The following ZBTB20 variants were observed in gnomAD, a reference collection of about 807,000 sequenced individuals.
ZBTB20 encodes zinc finger and BTB domain-containing protein 20.
ZBTB20 carries 9 observed loss-of-function variants against 56.9 expected under a neutral mutation model. The observed-to-expected ratio is 0.16, with a 90% CI of 0.10 to 0.28. The LOEUF is 0.28. ZBTB20 is among the 10% of genes least tolerant of loss of function. The pLI, the probability that ZBTB20 is intolerant of heterozygous loss-of-function variation, is 1.00. For missense variants in ZBTB20, 655 were observed against 1,003.0 expected (o/e 0.65, Z 4.69); for synonymous variants, 417 against 420.7 (o/e 0.99, Z 0.11).
intron 2 of ZBTB20, among the ~76,000 whole-genome samples, chr3:115,013,442 T>C (rs1240828331): frequency 6.6e-6 from 1 of 151,534 alleles, no homozygotes; most frequent in Non-Finnish European, 1.5e-5. Flanking sequence ...AAGAAATGGA[T>C]AAATTGCTAG....
At chr3:114,748,886 T>G (rs1393485128) in intron 5 of ZBTB20, among the ~76,000 whole-genome samples, 3 of 152,306 alleles carry the variant, frequency 2.0e-5, no homozygotes, top group African/African-American at 7.2e-5. Context: ...GCATTTAAAA[T>G]GCTTTAATTG....
chr3:115,056,260 G>T (rs1314911419), intron 2 of ZBTB20, among the ~76,000 whole-genome samples: 1 of 151,976 alleles, frequency 6.6e-6, no homozygotes, highest in African/African-American at 2.4e-5. Context: ...AATACAAAAT[G>T]AAAAAGTCAT....
At chr3:114,679,558 GAAATGCAAATCA>G (rs1316403778) in intron 6 of ZBTB20, among the ~76,000 whole-genome samples, 4 of 152,190 alleles carry the variant, frequency 2.6e-5, no homozygotes, top group African/African-American at 4.8e-5. Context: ...GGTCAATAGA[GAAATGCAAATCA>G]AAATCACAAT....
intron 5 of ZBTB20, among the ~76,000 whole-genome samples, chr3:114,705,711 A>C (rs1001740302): frequency 9.2e-5 from 14 of 152,196 alleles, no homozygotes; most frequent in African/African-American, 2.7e-4. Flanking sequence ...AGTTTTATAC[A>C]AATCTCTTCA....
chr3:114,520,471 C>T (rs1006557429), intron 6 of ZBTB20, among the ~76,000 whole-genome samples: 2 of 152,062 alleles, frequency 1.3e-5, no homozygotes, highest in Admixed American at 1.3e-4. Flanking sequence ...AAGGGTAAAT[C>T]GTAGGCATTT....
intron 4 of ZBTB20, among the ~76,000 whole-genome samples, chr3:114,803,408 A>G (rs2071864912): frequency 6.6e-6 from 1 of 151,804 alleles, no homozygotes; most frequent in African/African-American, 2.4e-5. Context: ...TAGGACCACA[A>G]ATAAGACTAA....
chr3:114,492,285 T>C (rs564575304), intron 7 of ZBTB20, among the ~76,000 whole-genome samples: 1 of 152,340 alleles, frequency 6.6e-6, no homozygotes, highest in Admixed American at 6.5e-5. Context: ...ATTCCAGTTT[T>C]ATGTATATAA....
chr3:114,769,904 C>A (rs896725814), intron 5 of ZBTB20, among the ~76,000 whole-genome samples: 3 of 150,438 alleles, frequency 2.0e-5, no homozygotes, highest in Admixed American at 6.6e-5. Flanking sequence ...AATAAAAATA[C>A]AAAAATTAGC....
chr3:115,086,988 A>T (rs1220673647), intron 1 of ZBTB20, among the ~76,000 whole-genome samples: 2 of 151,804 alleles, frequency 1.3e-5, no homozygotes, highest in Non-Finnish European at 2.9e-5. Context: ...TGAGAAGTTG[A>T]TCCAAAACAT....
rs540703787 is a variant in ZBTB20, at chr3:114,316,610, C to T, written c.*22395G>A. The T allele has an allele frequency of 3.4e-5, 18 of 529,432 alleles. No homozygotes were observed. Among genetic ancestry groups the T allele is most frequent in the African/African-American group, 2.9e-4 (15 of 51,746 alleles). The allele number at this position is 529,432 out of a possible 1,614,324, so 32.8% of individuals were successfully genotyped here. The stretch of plus-strand genomic sequence containing the variant: ...AAACTGAACTGGGTTCAGACACTAG[C>T]ACATGCTTAACTTTCCCCTGCTCCC... On this transcript the variant is annotated 3_prime_UTR_variant, in exon 12 of 12. Transcript: ENST00000675478.
chr3:114,602,702 T>C (rs1171925368), intron 6 of ZBTB20, among the ~76,000 whole-genome samples: 1 of 151,922 alleles, frequency 6.6e-6, no homozygotes, highest in Non-Finnish European at 1.5e-5. Context: ...AGACAAAATA[T>C]AGAGGAAGGT....
chr3:115,054,413 A>T (rs1013638445), intron 2 of ZBTB20, among the ~76,000 whole-genome samples: 8 of 152,110 alleles, frequency 5.3e-5, no homozygotes, highest in African/African-American at 1.7e-4. Context: ...ACGTCTTAAT[A>T]TTAAAAATGA....
rs1002963092 is a variant in ZBTB20, at chr3:114,339,571, T to C, written c.1805-145A>G. The C allele has an allele frequency of 9.5e-6, 10 of 1,049,636 alleles. No individual in the cohort carries two copies. In the African/African-American group the frequency reaches 1.6e-4, roughly 17 times the overall value. The allele number at this position is 1,049,636 out of a possible 1,614,324, so 65.0% of individuals were successfully genotyped here. A position where few individuals can be genotyped will look rare whatever the true frequency, so the allele number is the denominator to read the frequency against. ...TTGATTGCTTAATGGATCATCCTCG[T>C]TTGGAAAAATCCAGGCCCTCCTAGC... is the stretch of plus-strand genomic sequence containing the variant. On this transcript the variant is annotated intron_variant, in intron 11 of 11. Coordinates refer to ENST00000675478, the MANE Select transcript of ZBTB20 (RefSeq NM_001348800.3). This position sits in a 1 kb window ranked among gnomAD's most constrained non-coding sequence, Gnocchi z 4.2.
chr3:114,566,186 A>T (rs1313783047), intron 6 of ZBTB20, among the ~76,000 whole-genome samples: 1 of 152,176 alleles, frequency 6.6e-6, no homozygotes, highest in East Asian at 1.9e-4. Flanking sequence ...AGCTAACTTG[A>T]AACTTCTCTC....
chr3:114,428,813 T>C (rs1396282886), intron 7 of ZBTB20, among the ~76,000 whole-genome samples: 1 of 152,210 alleles, frequency 6.6e-6, no homozygotes, highest in Non-Finnish European at 1.5e-5. Flanking sequence ...AAGTGTTTTT[T>C]ACCTTAGTGA....
At chr3:114,601,420 A>T (rs897511135) in intron 6 of ZBTB20, among the ~76,000 whole-genome samples, 4 of 151,934 alleles carry the variant, frequency 2.6e-5, no homozygotes, top group Admixed American at 6.6e-5. Flanking sequence ...TCTACTCAAA[A>T]CTATCTCTAT....
At chr3:114,464,682 G>C (rs1039880049) in intron 7 of ZBTB20, among the ~76,000 whole-genome samples, 3 of 152,190 alleles carry the variant, frequency 2.0e-5, no homozygotes, top group African/African-American at 7.2e-5. Context: ...GGTCAAGGAG[G>C]TGAAGGGAGG....
chr3:114,425,679 C>A (rs1230942765), intron 7 of ZBTB20, among the ~76,000 whole-genome samples: 1 of 152,164 alleles, frequency 6.6e-6, no homozygotes, highest in Non-Finnish European at 1.5e-5. Context: ...GGCTGATGCA[C>A]TCATCCATCT....
chr3:115,109,931 G>A lies in ZBTB20; in HGVS notation c.-703+37288C>T, dbSNP rs182099958. Among the ~76,000 whole-genome samples the A allele has an allele frequency of 3.3e-5, 5 of 152,092 alleles. No homozygotes were observed. In the South Asian group the frequency reaches 6.2e-4, roughly 19 times the overall value. ...GATTAAAGAGTTGGAAACATTAGGC[G>A]GGGCACTGTGGCTCACGCCTGTAAT... On this transcript the variant is annotated intron_variant, in intron 1 of 11. Transcript: ENST00000675478.
Sources: gnomAD v4.1 joint callset for allele counts (sites outside exome capture counted in the v4.1 genomes callset) on GRCh38, gnomAD v4.1.1 for gene constraint, Gnocchi (gnomAD v3.1) non-coding constraint, MANE v1.5 for transcripts, NCBI Gene and HGNC (gene_info 2026-07-23, HGNC 2026-07-21) for gene names.